The following POLN variants were observed in gnomAD, a reference collection of about 807,000 sequenced individuals.
POLN encodes the protein DNA polymerase nu, also known as DNA polymerase N.
A neutral mutation model predicts 113.5 loss-of-function variants in POLN; 108 were observed. That is an observed-to-expected ratio of 0.95 (90% CI 0.81 to 1.12). The LOEUF is 1.12. POLN is among the 50% of genes most tolerant of loss of function. POLN has a pLI of 0.00. For missense variants in POLN, 1,097 were observed against 1,077.1 expected (o/e 1.02, Z -0.26); for synonymous variants, 386 against 391.5 (o/e 0.99, Z 0.17).
chr4:2,073,385 G>C (rs1040958380), intron 24 of POLN, among the ~76,000 whole-genome samples: 1 of 152,214 alleles, frequency 6.6e-6, no homozygotes, highest in Non-Finnish European at 1.5e-5. Flanking sequence ...CCATGGGGTG[G>C]GGCAGGCGTC....
chr4:2,148,335 G>A (rs1732201020), intron 16 of POLN, among the ~76,000 whole-genome samples: 1 of 152,082 alleles, frequency 6.6e-6, no homozygotes, highest in Non-Finnish European at 1.5e-5. Context: ...ATTATAAGTG[G>A]AGTCCCTGAT....
chr4:2,224,817 G>A (rs1245776941), intron 3 of POLN, among the ~76,000 whole-genome samples: 1 of 152,124 alleles, frequency 6.6e-6, no homozygotes, highest in East Asian at 1.9e-4. Flanking sequence ...CAGGCGTGGT[G>A]GCAGGCACCT....
chr4:2,190,020 T>C (rs1733399215), intron 7 of POLN, among the ~76,000 whole-genome samples: 1 of 109,660 alleles, frequency 9.1e-6, no homozygotes. Flanking sequence ...CAAGACTCCA[T>C]CTCAAAAAAA....
At position 2,157,841 on chromosome 4, in the gene POLN, T is replaced by C. The variant is rs1732474905; in HGVS notation, c.1665+17A>G. 1 of 1,584,218 alleles carries C rather than the reference T, an allele frequency of 6.3e-7. No individual in the cohort carries two copies. Among genetic ancestry groups the C allele is most frequent in the African/African-American group, 1.3e-5 (1 of 74,206 alleles). Reference sequence around the variant, plus strand: ...ACCACAGTCCTAATCACAGTATCTTTTTGTAAAGCTTGTTACCTTTTTCAT... The same window carrying C: ...ACCACAGTCCTAATCACAGTATCTTCTTGTAAAGCTTGTTACCTTTTTCAT... On this transcript the variant is annotated intron_variant, in intron 15 of 25. Coordinates refer to ENST00000511885, the MANE Select transcript of POLN (RefSeq NM_181808.4).
chr4:2,080,717 G>A, intron 23 of POLN: 1 of 1,406,626 alleles, frequency 7.1e-7, no homozygotes. Flanking sequence ...GAGGGGTCTG[G>A]GGGAGACAGC....
At chr4:2,173,821 A>G (rs930667548) in intron 11 of POLN, 134 bp downstream of exon 11, 25 of 858,350 alleles carry the variant, frequency 2.9e-5, no homozygotes, top group Non-Finnish European at 4.4e-5. Flanking sequence ...AGGCGTCAGA[A>G]AGAGGGAGAA....
chr4:2,129,791 G>T (rs1731675618), intron 17 of POLN, among the ~76,000 whole-genome samples: 1 of 152,186 alleles, frequency 6.6e-6, no homozygotes, highest in South Asian at 2.1e-4. Context: ...ATGAAGAAAA[G>T]AAAAAGTCAA....
At chr4:2,204,805 T>G (rs1209321752) in intron 5 of POLN, among the ~76,000 whole-genome samples, 1 of 152,188 alleles carries the variant, frequency 6.6e-6, no homozygotes, top group African/African-American at 2.4e-5. Flanking sequence ...TCAATAAATG[T>G]GATATACCAC....
At chr4:2,224,877 G>A (rs1356345500) in intron 3 of POLN, among the ~76,000 whole-genome samples, 1 of 152,078 alleles carries the variant, frequency 6.6e-6, no homozygotes, top group Non-Finnish European at 1.5e-5. Flanking sequence ...CTTGAACTGG[G>A]AGGTGGAGGT....
At chr4:2,096,727 A>G (rs865872975) in intron 19 of POLN, among the ~76,000 whole-genome samples, 2 of 151,730 alleles carry the variant, frequency 1.3e-5, no homozygotes, top group Non-Finnish European at 2.9e-5. Flanking sequence ...AGAGAGAGAG[A>G]GAGACACACA....
intron 3 of POLN, among the ~76,000 whole-genome samples, chr4:2,214,337 T>C (rs1025263185): frequency 1.3e-5 from 2 of 152,026 alleles, no homozygotes; most frequent in Admixed American, 6.6e-5. Flanking sequence ...ACAACAAAGA[T>C]AGTATTTCAA....
chr4:2,208,070 G>T lies in POLN; in HGVS notation c.631C>A (p.Leu211Met). 6.2e-7 allele frequency: 1 copy of T among 1,614,168 alleles called. No homozygotes were observed. The highest frequency in any genetic ancestry group is 1.1e-5 in the South Asian group (1 of 91,078). ...RHLDDWAKSQ[L>M]IEMLKQAAAL... is the part of the protein sequence containing the mutation. ...GCTGCCTGTTTGAGCATTTCAATCAGCTGGCTTTTTGCCCAATCATCCAAA... is the reference window on the plus strand; with the variant it reads ...GCTGCCTGTTTGAGCATTTCAATCATCTGGCTTTTTGCCCAATCATCCAAA... The change falls in exon 5 of 26, where the codon CTG (leucine) becomes ATG (methionine). Residue 211 changes from leucine to methionine, a missense_variant. Physicochemically the swap from Leu to Met is conservative, Grantham distance 15. Coordinates refer to ENST00000511885, the MANE Select transcript of POLN (RefSeq NM_181808.4).
At chr4:2,240,004 A>G in intron 2 of POLN, 2 of 1,520,758 alleles carry the variant, frequency 1.3e-6, no homozygotes, top group Non-Finnish European at 1.8e-6. Flanking sequence ...AACAATAATT[A>G]CAATGTGAAT....
chr4:2,236,996 A>C (rs2108778784), intron 2 of POLN, among the ~76,000 whole-genome samples: 1 of 151,908 alleles, frequency 6.6e-6, no homozygotes, highest in East Asian at 1.9e-4. Context: ...TAACTACTAC[A>C]TTAGATAAAC....
intron 24 of POLN, 101 bp from the exon 25 acceptor site, chr4:2,073,130 CT>C: frequency 8.8e-7 from 1 of 1,140,342 alleles, no homozygotes. Flanking sequence ...GCCCCGGCCC[CT>C]GAGCCCCCTT....
intron 19 of POLN, among the ~76,000 whole-genome samples, chr4:2,116,465 G>T (rs1040653732): frequency 1.7e-4 from 26 of 151,872 alleles, no homozygotes; most frequent in Non-Finnish European, 3.7e-4. Flanking sequence ...AGTTCATTTT[G>T]GTTTGATTGT....
At chr4:2,223,441 G>A (rs767175028) in intron 3 of POLN, among the ~76,000 whole-genome samples, 11 of 152,144 alleles carry the variant, frequency 7.2e-5, no homozygotes, top group Non-Finnish European at 1.6e-4. Context: ...AATAGGTTGC[G>A]AGCTCCTTAT....
At chr4:2,215,965 G>A (rs1045537310) in intron 3 of POLN, among the ~76,000 whole-genome samples, 1 of 152,160 alleles carries the variant, frequency 6.6e-6, no homozygotes. Context: ...CCTCATCCCT[G>A]AGAGGTAAGC....
At chr4:2,195,063 T>C (rs1733542029) in intron 6 of POLN, among the ~76,000 whole-genome samples, 1 of 152,088 alleles carries the variant, frequency 6.6e-6, no homozygotes. Context: ...AGTGTGTATG[T>C]GAAAGGCCTT....
Sources: allele counts gnomAD v4.1 joint callset (sites outside exome capture counted in the v4.1 genomes callset), GRCh38; gene constraint gnomAD v4.1.1; transcripts MANE v1.5; gene names NCBI Gene and HGNC (gene_info 2026-07-23, HGNC 2026-07-21).